Variants in PCBP3 observed in about 807,000 individuals in gnomAD.
The protein encoded by PCBP3 is poly(rC) binding protein 3.
In PCBP3, 25 loss-of-function variants were observed where a neutral mutation model predicts 52.7. The ratio of observed to expected loss-of-function variants is 0.47; its 90% CI spans 0.35 to 0.66. The LOEUF (loss-of-function observed/expected upper bound fraction) is 0.66. Ranked by LOEUF, PCBP3 falls within the 30% of genes least tolerant of loss-of-function variation. The probability of loss-of-function intolerance (pLI) is 0.01; values close to 1 mark genes in which losing one functional copy is unlikely to be tolerated. For synonymous variants in PCBP3, 162 were observed against 183.0 expected, an observed-to-expected ratio of 0.89 and a Z score of 0.93; for missense variants, 391 against 490.3, an observed-to-expected ratio of 0.80 and a Z score of 1.91.
At chr21:45,699,327 G>T (rs765376496) in intron 2 of PCBP3, among the ~76,000 whole-genome samples, 1 of 152,102 alleles carries the variant, frequency 6.6e-6, no homozygotes, top group Admixed American at 6.5e-5. Context: ...TGACTCCTGC[G>T]ATTGATTCTT....
chr21:45,685,801 G>A (rs2082116459), intron 2 of PCBP3, among the ~76,000 whole-genome samples: 1 of 152,032 alleles, frequency 6.6e-6, no homozygotes, highest in African/African-American at 2.4e-5. Context: ...ATCTGCACTG[G>A]GGATTCCTTC....
At chr21:45,710,292 C>G (rs1266803459) in intron 2 of PCBP3, among the ~76,000 whole-genome samples, 1 of 152,232 alleles carries the variant, frequency 6.6e-6, no homozygotes, top group African/African-American at 2.4e-5. Flanking sequence ...TCTCCTAATG[C>G]TATCCCTCCT....
At chr21:45,798,108 G>T (rs375182942) in intron 4 of PCBP3, among the ~76,000 whole-genome samples, 1 of 2,594 alleles carries the variant, frequency 3.9e-4, no homozygotes, top group Non-Finnish European at 1.1e-3. Context: ...GAGTGAATAC[G>T]TGGATGGACA....
At chr21:45,740,323 C>A (rs901794210) in intron 3 of PCBP3, among the ~76,000 whole-genome samples, 3 of 152,218 alleles carry the variant, frequency 2.0e-5, no homozygotes, top group Admixed American at 1.3e-4. Flanking sequence ...TGGCAGGTCA[C>A]TTCTGTTAGC....
chr21:45,938,344 G>A (rs2077098747), intron 16 of PCBP3, among the ~76,000 whole-genome samples: 2 of 152,202 alleles, frequency 1.3e-5, no homozygotes, highest in Non-Finnish European at 2.9e-5. Context: ...AAGCCCAGGA[G>A]CTGCTCTCCC....
In PCBP3 at chr21:45,822,684, C is replaced by G. The variant is rs184824251; in HGVS notation, c.-125-27277C>G. On this transcript the variant is annotated intron_variant, in intron 4 of 17. Transcript: ENST00000681687. ...AGTGAGGGGCGGACCCAGCAGGGGA[C>G]AGGGTTAGGAGAGTGAGGGACAGGG... Among the ~76,000 whole-genome samples, 208 of 151,756 alleles carry G rather than the reference C, an allele frequency of 1.4e-3. 1 individual carries two copies. The highest frequency in any genetic ancestry group is 1.9e-4 in the Non-Finnish European group (13 of 67,920).
chr21:45,793,888 G>T (rs1307964082), intron 4 of PCBP3, among the ~76,000 whole-genome samples: 1 of 152,106 alleles, frequency 6.6e-6, no homozygotes, highest in Non-Finnish European at 1.5e-5. Flanking sequence ...AGGACTCAGA[G>T]GTTACCAGCC....
rs556883732 is a variant in PCBP3, at chr21:45,718,880, G to C, written c.-199-16512G>C. Among the ~76,000 whole-genome samples, 258 of 152,294 alleles carry C rather than the reference G, an allele frequency of 1.7e-3. 1 individual carries two copies. Among genetic ancestry groups the C allele is most frequent in the Non-Finnish European group, 3.0e-3 (201 of 68,026 alleles). ...GATATTTTATGAAAATTGATGAATG[G>C]CTTCTAAATGTCACAAGGGGATAAA... On this transcript the variant is annotated intron_variant, in intron 2 of 17. Coordinates refer to ENST00000681687, the MANE Select transcript of PCBP3 (RefSeq NM_001384156.1).
intron 4 of PCBP3, among the ~76,000 whole-genome samples, chr21:45,842,289 C>G (rs1187843735): frequency 6.6e-6 from 1 of 152,218 alleles, no homozygotes; most frequent in East Asian, 1.9e-4. Context: ...TCCATTTGCT[C>G]TCAGGATATT....
At chr21:45,925,249 G>A (rs964116123) in intron 13 of PCBP3, among the ~76,000 whole-genome samples, 2 of 152,236 alleles carry the variant, frequency 1.3e-5, no homozygotes, top group Non-Finnish European at 2.9e-5. Flanking sequence ...CATTCCACTA[G>A]AGGGAGAAGA....
intron 1 of PCBP3, among the ~76,000 whole-genome samples, chr21:45,666,534 T>C (rs1051329589): frequency 2.0e-5 from 3 of 152,152 alleles, no homozygotes; most frequent in African/African-American, 4.8e-5. Context: ...TCTTGTTAGG[T>C]AGGTTTTCTA....
At chr21:45,934,746 G>T (rs114324864) in intron 15 of PCBP3, among the ~76,000 whole-genome samples, 5 of 152,248 alleles carry the variant, frequency 3.3e-5, no homozygotes, top group African/African-American at 7.2e-5. Flanking sequence ...AGGCCGGGGG[G>T]TGTCACAGGG....
chr21:45,814,791 A>G (rs1175438398), intron 4 of PCBP3, among the ~76,000 whole-genome samples: 52 of 32,656 alleles, frequency 1.6e-3, no homozygotes, highest in Admixed American at 2.4e-3. Flanking sequence ...ATGAGTGGTG[A>G]GTGAGTGGTG....
chr21:45,683,110 AAAAAAGTATTTC>A (rs1388630748), intron 2 of PCBP3, among the ~76,000 whole-genome samples: 13 of 152,310 alleles, frequency 8.5e-5, no homozygotes, highest in African/African-American at 2.9e-4. Flanking sequence ...AAGCCAAGTA[AAAAAAGTATTTC>A]AAGAAGGAGG....
Position 45,907,370 on chromosome 21 carries a change from A to G in PCBP3, c.340-1985A>G, listed in dbSNP as rs561290110. Among the ~76,000 whole-genome samples, 24 of 152,252 alleles carry G rather than the reference A, an allele frequency of 1.6e-4. No individual in the cohort carries two copies. In the South Asian group the frequency reaches 4.8e-3, roughly 30 times the overall value. On this transcript the variant is annotated intron_variant, in intron 9 of 17. Transcript: ENST00000681687. Reference sequence around the variant, plus strand: ...AGTGGGGTTTCACTCCACTGACCTCATGGGACGAAAGGGCTGCCCTCACGC... The same window carrying G: ...AGTGGGGTTTCACTCCACTGACCTCGTGGGACGAAAGGGCTGCCCTCACGC...
chr21:45,929,861 G>A (rs1316740589), intron 13 of PCBP3, 56 bp from the exon 14 acceptor site: 5 of 1,305,584 alleles, frequency 3.8e-6, no homozygotes, highest in Non-Finnish European at 5.6e-6. Flanking sequence ...TTAATTTGGT[G>A]TGACTTGTAC....
intron 9 of PCBP3, 69 bp from the exon 10 acceptor site, chr21:45,909,286 C>T: frequency 2.7e-6 from 4 of 1,508,128 alleles, no homozygotes; most frequent in East Asian, 2.3e-5. Flanking sequence ...TCAGGACACA[C>T]CCCCTGCCCT....
intron 4 of PCBP3, among the ~76,000 whole-genome samples, chr21:45,759,199 C>T (rs1391884151): frequency 6.6e-6 from 1 of 152,058 alleles, no homozygotes; most frequent in African/African-American, 2.4e-5. Context: ...GGAAGGATTT[C>T]CTCCTTTTCT....
chr21:45,849,388 A>G (rs1303038755), intron 4 of PCBP3, among the ~76,000 whole-genome samples: 1 of 151,930 alleles, frequency 6.6e-6, no homozygotes, highest in Non-Finnish European at 1.5e-5. Flanking sequence ...GTATTTTGGT[A>G]GAGATGGGGG....
Sources: gnomAD v4.1 joint callset for allele counts (sites outside exome capture counted in the v4.1 genomes callset) on GRCh38, gnomAD v4.1.1 for gene constraint, MANE v1.5 for transcripts, NCBI Gene and HGNC (gene_info 2026-07-23, HGNC 2026-07-21) for gene names.